CCDC149: variants seen among roughly 807,000 people sequenced by gnomAD.
CCDC149 encodes the protein coiled-coil domain-containing protein 149.
A neutral mutation model predicts 59.9 loss-of-function variants in CCDC149; 45 were observed. That is an observed-to-expected ratio of 0.75 (90% CI 0.59 to 0.96). The LOEUF (loss-of-function observed/expected upper bound fraction) is 0.96, where lower values mean the gene tolerates loss of function less well. Among genes scored for constraint, CCDC149 ranks in the 40% least tolerant of loss-of-function variants. The pLI, the probability that CCDC149 is intolerant of heterozygous loss-of-function variation, is 0.00. For missense variants in CCDC149, 584 were observed against 664.7 expected, an observed-to-expected ratio of 0.88 and a Z score of 1.33; for synonymous variants, 245 against 260.6, an observed-to-expected ratio of 0.94 and a Z score of 0.58.
intron 3 of CCDC149, among the ~76,000 whole-genome samples, chr4:24,871,366 G>A (rs1031139612): frequency 4.6e-5 from 7 of 152,194 alleles, no homozygotes; most frequent in Admixed American, 4.6e-4. Context: ...GCAGGATGCT[G>A]GGTTAGCCAC....
chr4:24,836,334 G>A, intron 7 of CCDC149, 102 bp downstream of exon 7: 2 of 795,284 alleles, frequency 2.5e-6, no homozygotes, highest in East Asian at 2.5e-5. Context: ...GGGAGGGCAG[G>A]CAAGTACTAA....
intron 1 of CCDC149, among the ~76,000 whole-genome samples, chr4:24,950,527 G>A (rs13103965): frequency 0.44 from 66,393 of 152,066 alleles, 15,949 homozygotes; most frequent in Middle Eastern, 0.57. Context: ...AACATTGGAA[G>A]GGGAGTGGAG....
intron 1 of CCDC149, among the ~76,000 whole-genome samples, chr4:24,935,774 T>C (rs989454703): frequency 2.0e-5 from 3 of 152,186 alleles, no homozygotes; most frequent in Admixed American, 6.5e-5. Context: ...CAGAAAAGAC[T>C]AGACACAATG....
intron 12 of CCDC149, among the ~76,000 whole-genome samples, chr4:24,811,944 C>G (rs1476278355): frequency 6.6e-6 from 1 of 152,092 alleles, no homozygotes; most frequent in Non-Finnish European, 1.5e-5. Context: ...GGGGCAGAAT[C>G]CATTTTCCGC....
intron 3 of CCDC149, among the ~76,000 whole-genome samples, chr4:24,856,111 T>C (rs800470): frequency 0.79 from 119,801 of 152,224 alleles, 47,159 homozygotes; most frequent in East Asian, 0.91. Context: ...CACTCCGTGG[T>C]TGCTACTCCA....
At chr4:24,905,019 G>A (rs1038667951) in intron 1 of CCDC149, among the ~76,000 whole-genome samples, 12 of 151,492 alleles carry the variant, frequency 7.9e-5, no homozygotes, top group South Asian at 2.1e-4. Flanking sequence ...CTCCTGCCTC[G>A]GCCTCCTGAG....
Position 24,895,029 on chromosome 4 carries a change from A to T in CCDC149, c.63+17788T>A. On this transcript the variant is annotated intron_variant, in intron 1 of 12. Transcript: ENST00000635206. Reference sequence around the variant, plus strand: ...AGTGGCCGCTCTGGCGATGATGATGATGATGACGACGACGATGACGACCAT... The same window carrying T: ...AGTGGCCGCTCTGGCGATGATGATGTTGATGACGACGACGATGACGACCAT... 14 of 1,536,004 alleles carry T rather than the reference A, an allele frequency of 9.1e-6. No individual in the cohort carries two copies. Among genetic ancestry groups the T allele is most frequent in the Non-Finnish European group, 1.2e-5 (14 of 1,146,544 alleles).
chr4:24,921,082 C>T (rs1353652539), intron 1 of CCDC149, among the ~76,000 whole-genome samples: 2 of 152,176 alleles, frequency 1.3e-5, no homozygotes, highest in African/African-American at 2.4e-5. Context: ...AGGGATTGCG[C>T]CTACAGTGCC....
chr4:24,977,164 T>C (rs1296090166), intron 1 of CCDC149, among the ~76,000 whole-genome samples: 3 of 152,100 alleles, frequency 2.0e-5, no homozygotes, highest in African/African-American at 4.8e-5. Flanking sequence ...AGTGACGATG[T>C]ACAATGACTG....
rs781204858 is a variant in CCDC149, at chr4:24,831,517, C to T, written c.954G>A (p.Arg318=). Residue 318 remains arginine (R), a synonymous_variant, in exon 9 of 13, where the codon AGG becomes AGA. Coordinates refer to ENST00000635206, the MANE Select transcript of CCDC149 (RefSeq NM_001330643.2). ...GTTTGGCCACCTACTTGTTGGTTTG[C>T]CTCTGGTGCTGAATGACCATGTTTT... 1.2e-6 allele frequency: 2 copies of T among 1,613,904 alleles called. No individual in the cohort carries two copies. The highest frequency in any genetic ancestry group is 3.3e-5 in the Admixed American group (2 of 59,998).
At chr4:24,876,119 T>G (rs1005478585) in intron 2 of CCDC149, among the ~76,000 whole-genome samples, 2 of 152,082 alleles carry the variant, frequency 1.3e-5, no homozygotes, top group Non-Finnish European at 2.9e-5. Flanking sequence ...AGGAGCTGGT[T>G]TGGCTATGAG....
At chr4:24,819,028 C>T (rs1320900460) in intron 12 of CCDC149, among the ~76,000 whole-genome samples, 1 of 152,210 alleles carries the variant, frequency 6.6e-6, no homozygotes, top group Non-Finnish European at 1.5e-5. Context: ...GGGAAGAGAT[C>T]AGGTTCTCAA....
chr4:24,863,344 G>A (rs1275948492), intron 3 of CCDC149, among the ~76,000 whole-genome samples: 2 of 152,130 alleles, frequency 1.3e-5, no homozygotes, highest in East Asian at 1.9e-4. Flanking sequence ...CCTTTTAACC[G>A]TGTGCTATTC....
chr4:24,881,570 G>C, intron 1 of CCDC149, among the ~76,000 whole-genome samples: 1 of 152,178 alleles, frequency 6.6e-6, no homozygotes, highest in South Asian at 2.1e-4. Flanking sequence ...GTGTGTCAAA[G>C]TACTGAGATT....
chr4:24,921,386 A>G (rs1481528142), intron 1 of CCDC149, among the ~76,000 whole-genome samples: 4 of 152,184 alleles, frequency 2.6e-5, no homozygotes, highest in Admixed American at 6.5e-5. Flanking sequence ...AATGAACCCT[A>G]TATGTACTTC....
At chr4:24,967,706 T>C (rs1250240908) in intron 1 of CCDC149, among the ~76,000 whole-genome samples, 1 of 151,170 alleles carries the variant, frequency 6.6e-6, no homozygotes, top group Non-Finnish European at 1.5e-5. Flanking sequence ...GGTCTAGCTA[T>C]TCCATTATAT....
chr4:24,833,609 G>A (rs1054611279), intron 8 of CCDC149, among the ~76,000 whole-genome samples: 5 of 151,732 alleles, frequency 3.3e-5, no homozygotes, highest in African/African-American at 1.2e-4. Context: ...GGGCAACAGA[G>A]TGAGACTGTC....
intron 1 of CCDC149, among the ~76,000 whole-genome samples, chr4:24,940,735 G>A (rs1577496411): frequency 6.6e-6 from 1 of 152,008 alleles, no homozygotes; most frequent in Admixed American, 6.6e-5. Context: ...AAAAAGGCAG[G>A]GGTTGTAATT....
chr4:24,885,295 T>C (rs1720095382), intron 1 of CCDC149, among the ~76,000 whole-genome samples: 1 of 152,136 alleles, frequency 6.6e-6, no homozygotes, highest in African/African-American at 2.4e-5. Flanking sequence ...TGGTGTAAAT[T>C]ATATTGGACA....
Sources: gnomAD v4.1 joint callset for allele counts (sites outside exome capture counted in the v4.1 genomes callset) on GRCh38, gnomAD v4.1.1 for gene constraint, MANE v1.5 for transcripts, NCBI Gene and HGNC (gene_info 2026-07-23, HGNC 2026-07-21) for gene names.